Variants in MCMDC2 observed in about 807,000 individuals in gnomAD.
MCMDC2 encodes minichromosome maintenance domain-containing protein 2.
Under a neutral mutation model 75.8 loss-of-function variants are expected in MCMDC2, and 54 were observed. The ratio of observed to expected loss-of-function variants is 0.71; its 90% confidence interval spans 0.57 to 0.89. The LOEUF (loss-of-function observed/expected upper bound fraction) is 0.89. Among genes scored for constraint, MCMDC2 ranks in the 40% least tolerant of loss-of-function variants. The pLI, the probability that MCMDC2 is intolerant of heterozygous loss-of-function variation, is 0.00. For synonymous variants in MCMDC2, 249 were observed against 274.6 expected (o/e 0.91, Z 0.92); for missense variants, 656 against 780.4 (o/e 0.84, Z 1.90).
At chr8:66,911,617 A>G (rs1056917814) in intron 14 of MCMDC2, among the ~76,000 whole-genome samples, 3 of 152,126 alleles carry the variant, frequency 2.0e-5, no homozygotes, top group Non-Finnish European at 4.4e-5. Flanking sequence ...CTAGATCAGG[A>G]GTTCAAGACC....
intron 10 of MCMDC2, among the ~76,000 whole-genome samples, chr8:66,892,261 C>T (rs1306347360): frequency 6.6e-6 from 1 of 152,218 alleles, no homozygotes; most frequent in Non-Finnish European, 1.5e-5. Context: ...TCCTGCAGTC[C>T]AGCAAACAAG....
chr8:66,905,142 A>G (rs375735680), intron 13 of MCMDC2, 84 bp from the exon 14 acceptor site: 31 of 1,095,524 alleles, frequency 2.8e-5, no homozygotes, highest in African/African-American at 2.8e-4. Flanking sequence ...TAAGGTTCAT[A>G]TATATCTCGA....
chr8:66,896,958 A>G lies in MCMDC2; in HGVS notation c.1625A>G (p.Lys542Arg), dbSNP rs1812383682. 6.3e-7 allele frequency: 1 copy of G among 1,592,974 alleles called. No individual in the cohort carries two copies. The highest frequency in any genetic ancestry group is 8.5e-7 in the Non-Finnish European group (1 of 1,172,118). Residue 542 changes from lysine to arginine, a missense_variant and splice_region_variant, in exon 12 of 15, where the codon AAG (lysine) becomes AGG (arginine). Transcript: ENST00000422365. ...CAGTTCACAACTGAAGATTTTGAAAAGGTAAAGGTGGATAAAACGGTTACC... is the reference window on the plus strand; with the variant it reads ...CAGTTCACAACTGAAGATTTTGAAAGGGTAAAGGTGGATAAAACGGTTACC... ...SRQFTTEDFE[K>R]LLAFAKNLNV...
At chr8:66,872,846 T>C (rs2130784114) in intron 1 of MCMDC2, among the ~76,000 whole-genome samples, 1 of 150,946 alleles carries the variant, frequency 6.6e-6, no homozygotes, top group East Asian at 2.0e-4. Context: ...TAATCCCAGC[T>C]ACTTGGGAGA....
downstream of MCMDC2, among the ~76,000 whole-genome samples, chr8:66,924,056 G>GT (rs1563398357): frequency 2.0e-5 from 3 of 152,038 alleles, no homozygotes; most frequent in African/African-American, 7.2e-5. Context: ...GTTCTCAAAT[G>GT]TATCGGTGGA....
chr8:66,886,411 C>G (rs1294665479), intron 9 of MCMDC2, among the ~76,000 whole-genome samples: 1 of 152,042 alleles, frequency 6.6e-6, no homozygotes, highest in Non-Finnish European at 1.5e-5. Flanking sequence ...GTAATCCACC[C>G]GCCTTGGCCT....
Position 66,919,905 on chromosome 8 carries a change from G to A in MCMDC2, c.*736G>A, listed in dbSNP as rs901336413. 4.6e-5 allele frequency: 7 copies of A among 152,212 alleles called. No homozygotes were observed. Among genetic ancestry groups the A allele is most frequent in the African/African-American group, 1.7e-4 (7 of 41,454 alleles). 9.4% of individuals were successfully genotyped at this position (152,212 alleles called of 1,614,324 possible). ...CAAATCTAGTCCTCATTTTTGGAGG[G>A]AAGATATCTGCTCTGAAAAGATAGG... is the stretch of plus-strand genomic sequence containing the variant. On this transcript the variant is annotated 3_prime_UTR_variant, in exon 15 of 15. Coordinates refer to ENST00000422365, the MANE Select transcript of MCMDC2 (RefSeq NM_173518.5).
At chr8:66,884,143 C>T (rs1303187669) in intron 9 of MCMDC2, 149 bp downstream of exon 9, 1 of 600,742 alleles carries the variant, frequency 1.7e-6, no homozygotes. Flanking sequence ...AAATTCAAAA[C>T]CTTTGAAAGA....
At position 66,919,126 on chromosome 8, in the gene MCMDC2, C is replaced by A. The variant is rs1353370657; in HGVS notation, c.2003C>A (p.Ala668Asp). 1.9e-6 allele frequency: 3 copies of A among 1,550,288 alleles called. No individual in the cohort carries two copies. The change falls in exon 15 of 15, where the codon GCC becomes GAC. Residue 668 changes from alanine to aspartate, a missense_variant. Physicochemically the swap from Ala to Asp is moderately radical, Grantham distance 126. Transcript: ENST00000422365. ...CAACAACAGCTGGAACAATTTATTG[C>A]CACATATGGACCTGGGACAACTATT... ...QCQQQLEQFI[A>D]TYGPGTTIFS... is the part of the protein sequence containing the mutation.
At chr8:66,872,563 T>C (rs1246315261) in intron 1 of MCMDC2, among the ~76,000 whole-genome samples, 2 of 152,196 alleles carry the variant, frequency 1.3e-5, no homozygotes, top group Non-Finnish European at 2.9e-5. Flanking sequence ...CTTCTCTCAC[T>C]GCACTCTTTC....
intron 14 of MCMDC2, among the ~76,000 whole-genome samples, chr8:66,915,654 G>A (rs2130871463): frequency 6.6e-6 from 1 of 151,532 alleles, no homozygotes; most frequent in Non-Finnish European, 1.5e-5. Context: ...TATATCAATA[G>A]AGAGATAAAA....
In MCMDC2 at chr8:66,872,774, A is replaced by G. The variant is rs185213128; in HGVS notation, c.-88-1279A>G. On this transcript the variant is annotated intron_variant, in intron 1 of 14. Transcript: ENST00000422365. ...GGAGTTCGAGACCAACCTGGCCAAC[A>G]TGGTGAAACTCCGTCTCTACTAAAA... Among the ~76,000 whole-genome samples, 660 of 152,196 alleles carry G rather than the reference A, an allele frequency of 4.3e-3. 7 individuals carry two copies. Among genetic ancestry groups the G allele is most frequent in the African/African-American group, 0.015 (643 of 41,526 alleles).
At chr8:66,876,645 G>C (rs1811298135) in intron 4 of MCMDC2, among the ~76,000 whole-genome samples, 1 of 152,124 alleles carries the variant, frequency 6.6e-6, no homozygotes, top group East Asian at 1.9e-4. Context: ...ATTCCTTTTA[G>C]TAAGAAATGA....
At chr8:66,916,159 TAGA>T (rs1040121797) in intron 14 of MCMDC2, among the ~76,000 whole-genome samples, 1 of 151,582 alleles carries the variant, frequency 6.6e-6, no homozygotes, top group African/African-American at 2.4e-5. Context: ...TTTTTAAAGA[TAGA>T]AGGTATAAAA....
In MCMDC2 at chr8:66,875,870, T is replaced by C. The variant is rs193242417; in HGVS notation, c.285+1284T>C. Among the ~76,000 whole-genome samples the C allele has an allele frequency of 2.0e-5, 3 of 152,364 alleles. No homozygotes were observed. The East Asian group carries it at 5.8e-4, about 29-fold the overall frequency. ...CTACGTTATATAATCTTGATTTGTC[T>C]AATTGCTTCCTTGTAGGGCTATTTA... On this transcript the variant is annotated intron_variant, in intron 4 of 14. Coordinates refer to ENST00000422365, the MANE Select transcript of MCMDC2 (RefSeq NM_173518.5).
chr8:66,890,200 G>C (rs1812037827), intron 9 of MCMDC2, among the ~76,000 whole-genome samples: 2 of 152,156 alleles, frequency 1.3e-5, no homozygotes, highest in South Asian at 4.1e-4. Flanking sequence ...CCAGTAGCTG[G>C]GGTTACAGGC....
intron 10 of MCMDC2, among the ~76,000 whole-genome samples, chr8:66,893,105 G>A (rs1483901791): frequency 6.6e-6 from 1 of 152,216 alleles, no homozygotes; most frequent in Non-Finnish European, 1.5e-5. Context: ...CAAGGATATG[G>A]ACAGCCATGG....
At chr8:66,884,173 T>C in intron 9 of MCMDC2, 179 bp downstream of exon 9, 1 of 584,342 alleles carries the variant, frequency 1.7e-6, no homozygotes, top group Non-Finnish European at 3.0e-6. Context: ...AAGTGATAAG[T>C]TGAATTACTC....
downstream of MCMDC2, chr8:66,925,604 G>GC (rs1294719539): frequency 6.6e-6 from 1 of 152,296 alleles, no homozygotes; most frequent in Admixed American, 6.5e-5. Flanking sequence ...CCGGTACGCG[G>GC]CCCCGCCCCT....
Sources: gnomAD v4.1 joint callset for allele counts (sites outside exome capture counted in the v4.1 genomes callset) on GRCh38, gnomAD v4.1.1 for gene constraint, MANE v1.5 for transcripts, NCBI Gene and HGNC (gene_info 2026-07-23, HGNC 2026-07-21) for gene names.